TTN: variants seen among roughly 807,000 people sequenced by gnomAD.
The protein encoded by TTN is connectin.
In TTN, 1,525 loss-of-function variants were observed where a neutral mutation model predicts 3,223.0. The ratio of observed to expected loss-of-function variants is 0.47; its 90% CI spans 0.45 to 0.49. The LOEUF (loss-of-function observed/expected upper bound fraction) is 0.49. Among genes scored for constraint, TTN ranks in the 20% least tolerant of loss-of-function variants. The pLI is 0.00. For missense variants in TTN, 40,786 were observed against 43,424.0 expected, an observed-to-expected ratio of 0.94 and a Z score of 5.40; for synonymous variants, 14,094 against 15,161.0, an observed-to-expected ratio of 0.93 and a Z score of 5.17.
chr2:178,748,936 C>A (rs1400066526), intron 47 of TTN: 2 of 1,612,484 alleles, frequency 1.2e-6, no homozygotes, highest in Non-Finnish European at 8.5e-7. Context: ...CATCAATCTT[C>A]TTTTGAGGAG....
intron 8 of TTN, 135 bp downstream of exon 8, chr2:178,794,264 G>C: frequency 7.6e-7 from 1 of 1,320,038 alleles, no homozygotes; most frequent in Non-Finnish European, 1.1e-6. Flanking sequence ...CTAAAAGTCT[G>C]GGCCCTGCTG....
intron 15 of TTN, among the ~76,000 whole-genome samples, chr2:178,785,291 AC>A (rs2093092695): frequency 6.6e-6 from 1 of 152,216 alleles, no homozygotes; most frequent in African/African-American, 2.4e-5. Context: ...GCTGTGTAAC[AC>A]ACTACCTTTC....
chr2:178,806,199 A>AT (rs908325461), intron 1 of TTN, among the ~76,000 whole-genome samples: 10 of 151,998 alleles, frequency 6.6e-5, no homozygotes, highest in African/African-American at 1.4e-4. Flanking sequence ...GCTTTCATAA[A>AT]TTTTTTTTGT....
In TTN at chr2:178,670,233, C is replaced by A. The variant is rs200587998; in HGVS notation, c.35371G>T (p.Val11791Phe). The change falls in exon 157 of 363, where the codon GTT (valine) becomes TTT (phenylalanine). Residue 11791 changes from valine (V) to phenylalanine (F), a missense_variant. Val to Phe is a conservative substitution (Grantham distance 50, BLOSUM62 -1). Coordinates refer to ENST00000589042, the MANE Select transcript of TTN (RefSeq NM_001267550.2). ...EKVRVPEEPR[V>F]PPTKAPEVPK... is the part of the protein sequence containing the mutation. ...AGCCAGTTACCTTTAGTTGGTGGAA[C>A]TCTGGGCTCTTCAGGAACACGTACT... 2.2e-5 allele frequency: 33 copies of A among 1,482,544 alleles called. No individual in the cohort carries two copies. The African/African-American group carries it at 4.2e-4, about 19-fold the overall frequency. 91.8% of individuals were successfully genotyped at this position (1,482,544 alleles called of 1,614,324 possible). A position where few individuals can be genotyped will look rare whatever the true frequency, so the allele number is the denominator to read the frequency against.
chr2:178,747,182 T>G lies in TTN; in HGVS notation c.11312-5261A>C, dbSNP rs1177743198. 6 of 1,607,724 alleles carry G rather than the reference T, an allele frequency of 3.7e-6. No individual in the cohort carries two copies. The African/African-American group carries it at 8.2e-5, about 22-fold the overall frequency. On this transcript the variant is annotated intron_variant, in intron 47 of 362. Coordinates refer to ENST00000589042, the MANE Select transcript of TTN (RefSeq NM_001267550.2). ...TAGAGTCTCTCCTGGGGGTGTGGAG[T>G]ATCTCTCTAGAGTCTCTCCTGGAGG...
At position 178,578,940 on chromosome 2, in the gene TTN, G is replaced by A; in HGVS notation, c.68090C>T (p.Ala22697Val). ...TACTCTAAAGGTGGTTTTCTGGACAGCTGAGGCGCACGTCACCCACTTGTT... is the reference window on the plus strand; with the variant it reads ...TACTCTAAAGGTGGTTTTCTGGACAACTGAGGCGCACGTCACCCACTTGTT... ...VNNKWVTCAS[A>V]VQKTTFRVTR... Residue 22697 changes from alanine to valine, a missense_variant, in exon 320 of 363, where the codon GCT (alanine) becomes GTT (valine). Physicochemically the swap from Ala to Val is moderately conservative, Grantham distance 64 (BLOSUM62 0). Transcript: ENST00000589042. 1 of 1,613,246 alleles carries A rather than the reference G, an allele frequency of 6.2e-7. No homozygotes were observed.
chr2:178,641,697 A>G lies in TTN; in HGVS notation c.40559-382T>C, dbSNP rs140036059. Among the ~76,000 whole-genome samples, 525 of 152,054 alleles carry G rather than the reference A, an allele frequency of 3.5e-3. 1 individual carries two copies. Among genetic ancestry groups the G allele is most frequent in the Non-Finnish European group, 6.5e-3 (439 of 67,862 alleles). ...TTTACTTAAGCAGAGATATCTGAAG[A>G]AATGTAGCCTAAAAATCAGTAATTC... On this transcript the variant is annotated intron_variant, in intron 219 of 362. Coordinates refer to ENST00000589042, the MANE Select transcript of TTN (RefSeq NM_001267550.2).
Position 178,603,897 on chromosome 2 carries a change from C to G in TTN, c.54790G>C (p.Glu18264Gln), listed in dbSNP as rs1253287416. The G allele has an allele frequency of 2.5e-6, 4 of 1,607,938 alleles. No homozygotes were observed. Among genetic ancestry groups the G allele is most frequent in the East Asian group, 2.2e-5 (1 of 44,606 alleles). ...IGPPSEPSDP[E>Q]VAGDPIFPPG... is the part of the protein sequence containing the mutation. ...TTACATATGGGATCTCCTGCAACCT[C>G]TGGATCTGATGGTTCACTGGGAGGA... Residue 18264 changes from glutamate to glutamine, a missense_variant, in exon 282 of 363, where the codon GAG becomes CAG. Transcript: ENST00000589042.
At position 178,629,303 on chromosome 2, in the gene TTN, T is replaced by C; in HGVS notation, c.44422A>G (p.Lys14808Glu). ...GACAAGGCATGCCTGCTTTTTACCT[T>C]ATCGCTGGGCTCTAGTTTCTTCCCT... ...LKGKKLEPSD[K>E]VVPRSEGKVH... The change falls in exon 240 of 363, where the codon AAG (lysine) becomes GAG (glutamate). Residue 14808 changes from lysine to glutamate, a missense_variant and splice_region_variant. By Grantham distance (56) the Lys-to-Glu change is moderately conservative. Transcript: ENST00000589042. The C allele has an allele frequency of 6.2e-7, 1 of 1,612,360 alleles. No homozygotes were observed.
rs750035436 is a variant in TTN, at chr2:178,582,161, C to T, written c.66208G>A (p.Asp22070Asn). Residue 22070 changes from aspartate to asparagine, a missense_variant, in exon 315 of 363, where the codon GAT becomes AAT. Physicochemically the swap from Asp to Asn is conservative, Grantham distance 23. Transcript: ENST00000589042. Reference sequence around the variant, plus strand: ...GGCTTCCAGCTGACTGTCATGTGATCTTTGGTTATGTTGCTAATAACAGGA... The same window carrying T: ...GGCTTCCAGCTGACTGTCATGTGATTTTTGGTTATGTTGCTAATAACAGGA... The part of the protein sequence containing the change: ...DPPVISNITK[D>N]HMTVSWKPPA... 3 of 1,612,770 alleles carry T rather than the reference C, an allele frequency of 1.9e-6. No homozygotes were observed. Among genetic ancestry groups the T allele is most frequent in the Non-Finnish European group, 2.5e-6 (3 of 1,179,502 alleles).
intron 350 of TTN, 102 bp from the exon 351 acceptor site, chr2:178,540,472 C>T: frequency 1.0e-6 from 1 of 983,290 alleles, no homozygotes; most frequent in South Asian, 1.7e-5. Flanking sequence ...GGACTGTTAA[C>T]ATTAGCCTGT....
chr2:178,575,182 G>A lies in TTN; in HGVS notation c.70950C>T (p.Asn23650=). The A allele has an allele frequency of 6.2e-7, 1 of 1,612,722 alleles. No homozygotes were observed. The highest frequency in any genetic ancestry group is 1.1e-5 in the South Asian group (1 of 90,964). ...CGAGCACTGGAATTTCAACTTTGATGTTGTCACCAGCTTTGGCAATGACCA... is the reference window on the plus strand; with the variant it reads ...CGAGCACTGGAATTTCAACTTTGATATTGTCACCAGCTTTGGCAATGACCA... ...QKLVIAKAGD[N]IKVEIPVLGR... The change falls in exon 326 of 363, where the codon AAC becomes AAT. Residue 23650 remains asparagine, a synonymous_variant. Transcript: ENST00000589042. The surrounding 1 kb of genome is among the most constrained non-coding windows in gnomAD (Gnocchi z 4.0).
At chr2:178,768,588 T>C in intron 38 of TTN, 85 bp downstream of exon 38, 1 of 1,587,976 alleles carries the variant, frequency 6.3e-7, no homozygotes, top group Non-Finnish European at 8.6e-7. Context: ...CCACATTTTA[T>C]TTATCCATTC....
rs769110483 is a variant in TTN at position 178,667,236 on chromosome 2, C to T, written c.35797G>A (p.Glu11933Lys). ...GATTTTCCTAACTAGAGAATTATAC[C>T]TTCAGTTGGAGGATGTTCTGGAATT... ...PEIPEHPPTE[E>K]FEVFKEVIPE... The change falls in exon 162 of 363, where the codon GAG (glutamate) becomes AAG (lysine). Residue 11933 changes from glutamate to lysine, a missense_variant and splice_region_variant. By Grantham distance (56) the Glu-to-Lys change is moderately conservative. Transcript: ENST00000589042. 2.4e-5 allele frequency: 39 copies of T among 1,593,940 alleles called. No individual in the cohort carries two copies. Among genetic ancestry groups the T allele is most frequent in the Non-Finnish European group, 3.2e-5 (37 of 1,169,820 alleles).
chr2:178,747,150 A>G, intron 47 of TTN: 1 of 1,608,360 alleles, frequency 6.2e-7, no homozygotes, highest in African/African-American at 1.4e-5. Flanking sequence ...GGTGTGGAAT[A>G]TCTCTCTAGA....
rs376968974 is a variant in TTN at position 178,731,187 on chromosome 2, G to A, written c.17478C>T (p.Thr5826=). 33 of 1,612,990 alleles carry A rather than the reference G, an allele frequency of 2.0e-5. No homozygotes were observed. In the African/African-American group the frequency reaches 3.3e-4, roughly 16 times the overall value. ...TGACATCTATAGACACAGCTTCCTC[G>A]GTGATTGTTGCAGGTTCTGTAGAAA... ...LLSVKEPATI[T]EEAVSIDVTQ... The change falls in exon 60 of 363, where the codon ACC becomes ACT. Residue 5826 remains threonine, a synonymous_variant. Coordinates refer to ENST00000589042, the MANE Select transcript of TTN (RefSeq NM_001267550.2).
At chr2:178,737,706 T>C (rs1377796049) in intron 49 of TTN, among the ~76,000 whole-genome samples, 1 of 152,238 alleles carries the variant, frequency 6.6e-6, no homozygotes, top group African/African-American at 2.4e-5. Flanking sequence ...AGACACTGAC[T>C]TTTTTAAGTT....
Position 178,728,396 on chromosome 2 carries a change from A to T in TTN, c.19428T>A (p.Asp6476Glu), listed in dbSNP as rs1228771607. 1.9e-6 allele frequency: 3 copies of T among 1,598,152 alleles called. No individual in the cohort carries two copies. Among genetic ancestry groups the T allele is most frequent in the African/African-American group, 1.3e-5 (1 of 74,358 alleles). Residue 6476 changes from aspartate to glutamate, a missense_variant and splice_region_variant, in exon 67 of 363, where the codon GAT becomes GAA. Physicochemically the swap from Asp to Glu is conservative, Grantham distance 45. Coordinates refer to ENST00000589042, the MANE Select transcript of TTN (RefSeq NM_001267550.2). ...TGGTGAATGATGGAGGAATATTTTG[A>T]TCTGTCCAATGCAAACAGCAAAACA... ...SSCDAYLRVL[D>E]QNIPPSFTKK...
chr2:178,586,361 C>T, intron 308 of TTN, 144 bp downstream of exon 308: 4 of 886,424 alleles, frequency 4.5e-6, no homozygotes, highest in Non-Finnish European at 6.8e-6. Flanking sequence ...TGTTTTTGGC[C>T]CACTCATGTG....
Sources: gnomAD v4.1 joint callset for allele counts (sites outside exome capture counted in the v4.1 genomes callset) on GRCh38, gnomAD v4.1.1 for gene constraint, Gnocchi (gnomAD v3.1) non-coding constraint, MANE v1.5 for transcripts, NCBI Gene and HGNC (gene_info 2026-07-23, HGNC 2026-07-21) for gene names.